The following SMPD3 variants were observed in gnomAD, a reference collection of about 807,000 sequenced individuals.
SMPD3 encodes nSMase-2.
Under a neutral mutation model 55.7 loss-of-function variants are expected in SMPD3, and 21 were observed. That is an observed-to-expected ratio of 0.38 (90% CI 0.27 to 0.54). The LOEUF (loss-of-function observed/expected upper bound fraction) is 0.54, where lower values mean the gene tolerates loss of function less well. Ranked by LOEUF, SMPD3 falls within the 20% of genes least tolerant of loss-of-function variation. The probability of loss-of-function intolerance (pLI) is 0.80; values close to 1 mark genes in which losing one functional copy is unlikely to be tolerated. For synonymous variants in SMPD3, 457 were observed against 404.3 expected (o/e 1.13, Z -1.56); for missense variants, 842 against 899.6 (o/e 0.94, Z 0.82).
Position 68,371,134 on chromosome 16 carries a change from A to T in SMPD3, c.1048T>A (p.Ser350Thr). The T allele has an allele frequency of 1.2e-6, 2 of 1,613,908 alleles. No individual in the cohort carries two copies. The highest frequency in any genetic ancestry group is 1.7e-6 in the Non-Finnish European group (2 of 1,180,030). Reference sequence around the variant, plus strand: ...TCCAGGTTGGCGGGGAAGAAGGCGGAGACCTCATGGTCGAAGGCCTCGTCG... The same window carrying T: ...TCCAGGTTGGCGGGGAAGAAGGCGGTGACCTCATGGTCGAAGGCCTCGTCG... The part of the protein sequence containing the change: ...HPDEAFDHEV[S>T]AFFPANLDFL... Residue 350 changes from serine to threonine, a missense_variant, in exon 3 of 9, where the codon TCC (serine) becomes ACC (threonine). Transcript: ENST00000219334.
chr16:68,391,251 T>C (rs1024674127), intron 1 of SMPD3, among the ~76,000 whole-genome samples: 9 of 152,198 alleles, frequency 5.9e-5, no homozygotes, highest in South Asian at 2.1e-4. Flanking sequence ...TCTCTGTTAG[T>C]TGGACTCAGA....
intron 1 of SMPD3, among the ~76,000 whole-genome samples, chr16:68,431,315 C>T (rs776097082): frequency 4.6e-5 from 7 of 152,120 alleles, no homozygotes; most frequent in Non-Finnish European, 7.4e-5. Context: ...AATGATAAGA[C>T]AATAAGGTTC....
At chr16:68,425,628 C>T (rs1214376459) in intron 1 of SMPD3, among the ~76,000 whole-genome samples, 7 of 152,186 alleles carry the variant, frequency 4.6e-5, no homozygotes, top group Non-Finnish European at 7.3e-5. Flanking sequence ...GAGGTGGCAG[C>T]GCCATGGGAC....
chr16:68,382,785 G>C (rs1219775883), intron 2 of SMPD3, among the ~76,000 whole-genome samples: 1 of 152,198 alleles, frequency 6.6e-6, no homozygotes, highest in Non-Finnish European at 1.5e-5. Context: ...CCTGAGGGGA[G>C]GATCCCCTGC....
intron 1 of SMPD3, among the ~76,000 whole-genome samples, chr16:68,406,102 G>A (rs1011746631): frequency 6.6e-6 from 1 of 152,112 alleles, no homozygotes; most frequent in African/African-American, 2.4e-5. Context: ...CCCTTAACCA[G>A]TCTGCCAGTC....
At chr16:68,433,579 A>C (rs745509503) in intron 1 of SMPD3, among the ~76,000 whole-genome samples, 27 of 152,352 alleles carry the variant, frequency 1.8e-4, no homozygotes, top group Non-Finnish European at 3.8e-4. Flanking sequence ...GTCTTGGGAC[A>C]ACCACGTTGG....
chr16:68,389,089 G>T (rs190448352), intron 1 of SMPD3, among the ~76,000 whole-genome samples: 32 of 152,304 alleles, frequency 2.1e-4, no homozygotes, highest in African/African-American at 7.7e-4. Context: ...CTTTCATCCC[G>T]GCTGAGCAGG....
At chr16:68,441,574 G>T (rs1043906416) in intron 1 of SMPD3, among the ~76,000 whole-genome samples, 1 of 151,702 alleles carries the variant, frequency 6.6e-6, no homozygotes, top group Non-Finnish European at 1.5e-5. Flanking sequence ...CATTACTAAT[G>T]CAACATTTTA....
At chr16:68,364,309 C>CT (rs1185560615) in intron 5 of SMPD3, 1 of 225,578 alleles carries the variant, frequency 4.4e-6, no homozygotes, top group Admixed American at 5.2e-5. Flanking sequence ...GCTATGTGAC[C>CT]TTGGGCTGGT....
intron 1 of SMPD3, among the ~76,000 whole-genome samples, chr16:68,441,991 C>T (rs2090570166): frequency 6.6e-6 from 1 of 152,154 alleles, no homozygotes; most frequent in South Asian, 2.1e-4. Context: ...GTCTTGAACT[C>T]TTGGCCTCAA....
chr16:68,439,482 G>A (rs1002699235), intron 1 of SMPD3, among the ~76,000 whole-genome samples: 1 of 152,202 alleles, frequency 6.6e-6, no homozygotes, highest in African/African-American at 2.4e-5. Context: ...AAATAACTTA[G>A]CACTGGTACT....
At chr16:68,385,095 G>A (rs752489791) in intron 2 of SMPD3, among the ~76,000 whole-genome samples, 1 of 152,182 alleles carries the variant, frequency 6.6e-6, no homozygotes, top group East Asian at 1.9e-4. Context: ...GCACCTCAGA[G>A]AATATGCTTT....
chr16:68,431,534 G>A (rs1295516077), intron 1 of SMPD3, among the ~76,000 whole-genome samples: 1 of 152,132 alleles, frequency 6.6e-6, no homozygotes, highest in East Asian at 1.9e-4. Context: ...GCAGGAGTGG[G>A]GAGCCTGAAA....
At chr16:68,382,466 C>T (rs895149693) in intron 2 of SMPD3, among the ~76,000 whole-genome samples, 35 of 152,318 alleles carry the variant, frequency 2.3e-4, no homozygotes, top group African/African-American at 6.7e-4. Flanking sequence ...GGGTATTGCA[C>T]GGCAAGGGCC....
At chr16:68,424,297 G>T (rs2090418600) in intron 1 of SMPD3, among the ~76,000 whole-genome samples, 1 of 151,926 alleles carries the variant, frequency 6.6e-6, no homozygotes, top group Admixed American at 6.5e-5. Context: ...CCCAGCCCCA[G>T]CATTAAGTCT....
chr16:68,407,079 T>G (rs574853057), intron 1 of SMPD3, among the ~76,000 whole-genome samples: 1 of 152,194 alleles, frequency 6.6e-6, no homozygotes, highest in Non-Finnish European at 1.5e-5. Context: ...GGGCAGAAGC[T>G]TGATCAGGAG....
chr16:68,425,055 T>A (rs2090425027), intron 1 of SMPD3, among the ~76,000 whole-genome samples: 3 of 152,114 alleles, frequency 2.0e-5, no homozygotes, highest in African/African-American at 7.2e-5. Flanking sequence ...CAGTCCCTAA[T>A]AAAAGATGCA....
intron 5 of SMPD3, 55 bp downstream of exon 5, chr16:68,364,694 CTG>C: frequency 6.4e-7 from 1 of 1,556,900 alleles, no homozygotes; most frequent in African/African-American, 1.4e-5. Flanking sequence ...CTAGCTGTGA[CTG>C]AGCCCACAGC....
At chr16:68,426,137 C>T (rs1265271067) in intron 1 of SMPD3, among the ~76,000 whole-genome samples, 1 of 152,146 alleles carries the variant, frequency 6.6e-6, no homozygotes, top group Non-Finnish European at 1.5e-5. Flanking sequence ...AATCCTGTTC[C>T]ACTTTTGCAA....
Sources: gnomAD v4.1 joint callset for allele counts (sites outside exome capture counted in the v4.1 genomes callset) on GRCh38, gnomAD v4.1.1 for gene constraint, MANE v1.5 for transcripts, NCBI Gene and HGNC (gene_info 2026-07-23, HGNC 2026-07-21) for gene names.